DNAJC10: variants seen among roughly 807,000 people sequenced by gnomAD.
DNAJC10 encodes DnaJ heat shock protein family (Hsp40) member C10, also known as endoplasmic reticulum disulfide reductase DNAJC10.
A neutral mutation model predicts 115.0 loss-of-function variants in DNAJC10; 101 were observed. The ratio of observed to expected loss-of-function variants is 0.88; its 90% CI spans 0.75 to 1.04. DNAJC10 has a LOEUF of 1.04. Ranked by LOEUF, DNAJC10 falls within the 50% of genes least tolerant of loss-of-function variation. DNAJC10 has a pLI of 0.00. For synonymous variants in DNAJC10, 307 were observed against 301.5 expected (o/e 1.02, Z -0.19); for missense variants, 981 against 928.8 (o/e 1.06, Z -0.73).
chr2:182,745,897 C>A (rs1421281804), intron 14 of DNAJC10, among the ~76,000 whole-genome samples: 3 of 152,018 alleles, frequency 2.0e-5, no homozygotes, highest in Non-Finnish European at 2.9e-5. Flanking sequence ...ACTCCCCCCA[C>A]CCCACAACAG....
intron 17 of DNAJC10, among the ~76,000 whole-genome samples, chr2:182,755,316 T>G (rs1694129910): frequency 6.6e-6 from 1 of 152,214 alleles, no homozygotes; most frequent in South Asian, 2.1e-4. Flanking sequence ...TGTTACCTGG[T>G]ATGTACAGTG....
At chr2:182,747,260 C>G (rs950428153) in intron 14 of DNAJC10, among the ~76,000 whole-genome samples, 1 of 151,846 alleles carries the variant, frequency 6.6e-6, no homozygotes, top group African/African-American at 2.4e-5. Flanking sequence ...TTTTCCAATT[C>G]TGTGAAGAAA....
chr2:182,780,820 G>A lies in DNAJC10; in HGVS notation c.*3688G>A, dbSNP rs1248609280. 1 of 152,108 alleles carries A rather than the reference G, an allele frequency of 6.6e-6. No homozygotes were observed. Among genetic ancestry groups the A allele is most frequent in the African/African-American group, 2.4e-5 (1 of 41,430 alleles). The allele number at this position is 152,108 out of a possible 1,614,324, so 9.4% of individuals were successfully genotyped here. ...ACGCCAAACTGGTCTACATCAGTAT[G>A]GACTCCAGAAATGCATCTTTCAACC... is the stretch of plus-strand genomic sequence containing the variant. On this transcript the variant is annotated 3_prime_UTR_variant, in exon 24 of 24. Transcript: ENST00000264065.
chr2:182,784,210 A>G lies in DNAJC10; in HGVS notation c.*7078A>G, dbSNP rs1486734001. On this transcript the variant is annotated 3_prime_UTR_variant, in exon 24 of 24. Transcript: ENST00000264065. The stretch of plus-strand genomic sequence containing the variant: ...GGCATGGAGGTGTGTGCCTGTAATC[A>G]TCTACCCTGGAGGCTGAGACAGGAG... The G allele has an allele frequency of 6.6e-6, 1 of 152,112 alleles. No homozygotes were observed. The highest frequency in any genetic ancestry group is 1.5e-5 in the Non-Finnish European group (1 of 68,034). 9.4% of individuals were successfully genotyped at this position (152,112 alleles called of 1,614,324 possible).
Position 182,778,455 on chromosome 2 carries a change from A to G in DNAJC10, c.*1323A>G, listed in dbSNP as rs1694765862. 6.6e-6 allele frequency: 1 copy of G among 152,200 alleles called. No homozygotes were observed. The allele number at this position is 152,200 out of a possible 1,614,324, so 9.4% of individuals were successfully genotyped here. A position where few individuals can be genotyped will look rare whatever the true frequency, so the allele number is the denominator to read the frequency against. On this transcript the variant is annotated 3_prime_UTR_variant, in exon 24 of 24. Coordinates refer to ENST00000264065, the MANE Select transcript of DNAJC10 (RefSeq NM_018981.4). ...ATAATTCAGAGTGTACAGAATGGTA[A>G]AAATTCCAATCAGTCAAAAGAGGTC...
intron 9 of DNAJC10, among the ~76,000 whole-genome samples, chr2:182,731,721 A>G (rs370722210): frequency 1.3e-3 from 204 of 152,286 alleles, no homozygotes; most frequent in African/African-American, 4.7e-3. Flanking sequence ...TTCTCCCCAC[A>G]TTTCATCTCT....
Position 182,779,805 on chromosome 2 carries a change from AAAAC to A in DNAJC10, c.*2675_*2678del, listed in dbSNP as rs1201006438. ...TTTTTTTAGAAGTACGGTTATCAAA[AAAAC>A]ACATTTCCTATGGGACACACATTTC... On this transcript the variant is annotated 3_prime_UTR_variant, in exon 24 of 24. Coordinates refer to ENST00000264065, the MANE Select transcript of DNAJC10 (RefSeq NM_018981.4). 3 of 152,076 alleles carry A rather than the reference AAAAC, an allele frequency of 2.0e-5. No homozygotes were observed. The highest frequency in any genetic ancestry group is 1.3e-4 in the Admixed American group (2 of 15,284). 9.4% of individuals were successfully genotyped at this position (152,076 alleles called of 1,614,324 possible). A position where few individuals can be genotyped will look rare whatever the true frequency, so the allele number is the denominator to read the frequency against.
rs1200867764 is a variant in DNAJC10, at chr2:182,728,870, A to G, written c.509A>G (p.Asp170Gly). The G allele has an allele frequency of 6.2e-7, 1 of 1,614,066 alleles. No homozygotes were observed. Among genetic ancestry groups the G allele is most frequent in the Non-Finnish European group, 8.5e-7 (1 of 1,179,982 alleles). ...TTTCTTTTTCTGTCATAGTGGAGAG[A>G]CTTTGCTAAAGAAGTGGATGGGTTA... ...HCHDLAPTWR[D>G]FAKEVDGLLR... The change falls in exon 7 of 24, where the codon GAC (aspartate) becomes GGC (glycine). Residue 170 changes from aspartate (D) to glycine (G), a missense_variant. Asp to Gly is a moderately conservative substitution (Grantham distance 94, BLOSUM62 -1). Transcript: ENST00000264065.
Position 182,783,106 on chromosome 2 carries a change from T to G in DNAJC10, c.*5974T>G, listed in dbSNP as rs1574967327. ...TCATATCTAGTTTTTTGAGTGTTTT[T>G]AGCATGAAAGGGTGTTAATTTTATC... is the stretch of plus-strand genomic sequence containing the variant. On this transcript the variant is annotated 3_prime_UTR_variant, in exon 24 of 24. Transcript: ENST00000264065. 6.6e-6 allele frequency: 1 copy of G among 152,220 alleles called. No homozygotes were observed. The highest frequency in any genetic ancestry group is 6.5e-5 in the Admixed American group (1 of 15,278). The allele number at this position is 152,220 out of a possible 1,614,324, so 9.4% of individuals were successfully genotyped here. A position where few individuals can be genotyped will look rare whatever the true frequency, so the allele number is the denominator to read the frequency against.
At chr2:182,726,482 G>A (rs1693286179) in intron 5 of DNAJC10, among the ~76,000 whole-genome samples, 1 of 152,102 alleles carries the variant, frequency 6.6e-6, no homozygotes, top group South Asian at 2.1e-4. Context: ...TTTGAGGCCA[G>A]TTTTGACTCC....
Position 182,789,150 on chromosome 2 carries a change from C to T in DNAJC10, c.*12018C>T, listed in dbSNP as rs931908248. ...TATTTAATGTAAGTGAAATCATACA[C>T]CATTTATCTTTTTGTGATTCCTTAT... On this transcript the variant is annotated 3_prime_UTR_variant, in exon 24 of 24. Coordinates refer to ENST00000264065, the MANE Select transcript of DNAJC10 (RefSeq NM_018981.4). The T allele has an allele frequency of 4.9e-5, 9 of 182,446 alleles. No individual in the cohort carries two copies. The highest frequency in any genetic ancestry group is 9.1e-5 in the Non-Finnish European group (8 of 87,952). The allele number at this position is 182,446 out of a possible 1,614,324, so 11.3% of individuals were successfully genotyped here.
chr2:182,777,149 GAA>G lies in DNAJC10; in HGVS notation c.*21_*22del. 1 of 1,385,110 alleles carries G rather than the reference GAA, an allele frequency of 7.2e-7. No individual in the cohort carries two copies. Among genetic ancestry groups the G allele is most frequent in the Non-Finnish European group, 9.7e-7 (1 of 1,027,246 alleles). The allele number at this position is 1,385,110 out of a possible 1,614,324, so 85.8% of individuals were successfully genotyped here. A position where few individuals can be genotyped will look rare whatever the true frequency, so the allele number is the denominator to read the frequency against. On this transcript the variant is annotated 3_prime_UTR_variant, in exon 24 of 24. Coordinates refer to ENST00000264065, the MANE Select transcript of DNAJC10 (RefSeq NM_018981.4). ...GAACTTTGATAATGTTGAAGATGAA[GAA>G]AAAGTTTAAAAGAAATTCTGACAGA...
chr2:182,759,213 T>A lies in DNAJC10; in HGVS notation c.2051T>A (p.Val684Asp), dbSNP rs747251553. The change falls in exon 21 of 24, where the codon GTT becomes GAT. Residue 684 changes from valine to aspartate, a missense_variant. Transcript: ENST00000264065. The part of the protein sequence containing the change: ...DLTPQTFSEK[V>D]LQGKNHWVID... ...ACACCTCAGACTTTCAGTGAAAAAG[T>A]TCTACAAGGGAAAAATCATTGGGTG... 1 of 1,609,322 alleles carries A rather than the reference T, an allele frequency of 6.2e-7. No homozygotes were observed. The highest frequency in any genetic ancestry group is 8.5e-7 in the Non-Finnish European group (1 of 1,178,908).
intron 11 of DNAJC10, among the ~76,000 whole-genome samples, 190 bp downstream of exon 11, chr2:182,736,576 G>A (rs1423140984): frequency 6.6e-6 from 1 of 151,846 alleles, no homozygotes; most frequent in Non-Finnish European, 1.5e-5. Context: ...TAAAATTTAA[G>A]GATTATTTTT....
At chr2:182,754,749 A>C in intron 16 of DNAJC10, 1 of 1,184,654 alleles carries the variant, frequency 8.4e-7, no homozygotes, top group Non-Finnish European at 1.0e-6. Flanking sequence ...CCGATTTCTC[A>C]ATGTTTCAAT....
At chr2:182,717,167 CTT>C (rs1693015774) in intron 2 of DNAJC10, 95 bp downstream of exon 2, 1 of 152,142 alleles carries the variant, frequency 6.6e-6, no homozygotes, top group Non-Finnish European at 1.5e-5. Context: ...ATTACGATCT[CTT>C]TGGAACTAAA....
At position 182,762,777 on chromosome 2, in the gene DNAJC10, A is replaced by G. The variant is rs192618; in HGVS notation, c.2241A>G (p.Lys747=). 0.63 allele frequency: 1,009,089 copies of G among 1,610,962 alleles called. 319,021 individuals are homozygous for G. Among genetic ancestry groups the G allele is most frequent in the Middle Eastern group, 0.75 (4,519 of 6,034 alleles). ...GGATCAGGGCCTATCCAACTGTTAAATTTTATTTCTACGAAAGAGCAAAGG... is the reference window on the plus strand; with the variant it reads ...GGATCAGGGCCTATCCAACTGTTAAGTTTTATTTCTACGAAAGAGCAAAGG... ...KAGIRAYPTV[K]FYFYERAKRN... is the part of the protein sequence containing the mutation. The change falls in exon 22 of 24, where the codon AAA becomes AAG. Residue 747 remains lysine, a synonymous_variant. Transcript: ENST00000264065.
chr2:182,732,532 G>A lies in DNAJC10; in HGVS notation c.839G>A (p.Ser280Asn). The A allele has an allele frequency of 6.2e-7, 1 of 1,613,140 alleles. No individual in the cohort carries two copies. Among genetic ancestry groups the A allele is most frequent in the Non-Finnish European group, 8.5e-7 (1 of 1,179,364 alleles). ...CLTSQTRLRLSGMLDGLVNVG... is the reference protein window; with the variant it reads ...CLTSQTRLRLNGMLDGLVNVG... ...ACTTCACAGACACGACTCAGGCTTA[G>A]TGGCATGTTGGTAAGCATCAATCAT... Residue 280 changes from serine (S) to asparagine (N), a missense_variant, in exon 10 of 24, where the codon AGT becomes AAT. Transcript: ENST00000264065.
chr2:182,718,605 A>G (rs1273229257), intron 3 of DNAJC10, among the ~76,000 whole-genome samples: 1 of 152,230 alleles, frequency 6.6e-6, no homozygotes. Flanking sequence ...AAAGTAGGTT[A>G]AGATCAAGTG....
Sources: gnomAD v4.1 joint callset for allele counts (sites outside exome capture counted in the v4.1 genomes callset) on GRCh38, gnomAD v4.1.1 for gene constraint, MANE v1.5 for transcripts, NCBI Gene and HGNC (gene_info 2026-07-23, HGNC 2026-07-21) for gene names.